The following NMT2 variants were observed in gnomAD, a reference collection of about 807,000 sequenced individuals.
NMT2 encodes glycylpeptide N-tetradecanoyltransferase 2.
NMT2 carries 35 observed loss-of-function variants against 65.4 expected under a neutral mutation model. That is an observed-to-expected ratio of 0.54 (90% CI 0.41 to 0.71). The LOEUF is 0.71. Ranked by LOEUF, NMT2 falls within the 30% of genes least tolerant of loss-of-function variation. The pLI, the probability that NMT2 is intolerant of heterozygous loss-of-function variation, is 0.00. For synonymous variants in NMT2, 226 were observed against 231.8 expected, an observed-to-expected ratio of 0.98 and a Z score of 0.23; for missense variants, 489 against 611.3, an observed-to-expected ratio of 0.80 and a Z score of 2.11.
chr10:15,161,051 G>A (rs1203259794), intron 1 of NMT2, among the ~76,000 whole-genome samples: 1 of 136,936 alleles, frequency 7.3e-6, no homozygotes, highest in African/African-American at 2.8e-5. Context: ...GCCTGGCCTG[G>A]GTGACAGAGC....
chr10:15,162,747 G>GATAT (rs71287332), intron 1 of NMT2, among the ~76,000 whole-genome samples: 8 of 147,108 alleles, frequency 5.4e-5, no homozygotes, highest in African/African-American at 9.9e-5. Flanking sequence ...CTTATTGTTT[G>GATAT]ATATATATAT....
intron 1 of NMT2, 102 bp from the exon 2 acceptor site, chr10:15,141,659 A>C: frequency 1.5e-6 from 2 of 1,373,690 alleles, no homozygotes; most frequent in Non-Finnish European, 2.0e-6. Flanking sequence ...CAGCTGTTAC[A>C]TGCAGTAGAA....
At chr10:15,153,794 T>C (rs1046458561) in intron 1 of NMT2, among the ~76,000 whole-genome samples, 13 of 151,584 alleles carry the variant, frequency 8.6e-5, no homozygotes, top group African/African-American at 1.7e-4. Context: ...GGACTACAGG[T>C]GCCCGCCACC....
chr10:15,150,543 C>A (rs987206919), intron 1 of NMT2, among the ~76,000 whole-genome samples: 1 of 152,124 alleles, frequency 6.6e-6, no homozygotes, highest in Non-Finnish European at 1.5e-5. Flanking sequence ...ACTTAGTGTG[C>A]CCCTTCTCCT....
intron 1 of NMT2, among the ~76,000 whole-genome samples, chr10:15,149,547 C>T (rs796871138): frequency 2.5e-5 from 2 of 79,658 alleles, no homozygotes; most frequent in Admixed American, 1.2e-4. Context: ...ACCACCATCA[C>T]CACCATCATC....
At chr10:15,118,056 T>A (rs984902654) in intron 9 of NMT2, among the ~76,000 whole-genome samples, 2 of 152,122 alleles carry the variant, frequency 1.3e-5, no homozygotes, top group Non-Finnish European at 2.9e-5. Context: ...ATAGGTTAAT[T>A]AAAATGATCT....
At chr10:15,157,628 A>C (rs1263601722) in intron 1 of NMT2, among the ~76,000 whole-genome samples, 1 of 152,208 alleles carries the variant, frequency 6.6e-6, no homozygotes, top group Non-Finnish European at 1.5e-5. Context: ...AAAGAAAAAA[A>C]CTTGTTACTA....
rs938389488 is a variant in NMT2, at chr10:15,108,334, A to G, written c.*861T>C. ...CCCAAGCAGCTGGGACTACAGGCAC[A>G]CGCCACCACGCCCGGCTAATTTTTG... is the stretch of plus-strand genomic sequence containing the variant. On this transcript the variant is annotated 3_prime_UTR_variant, in exon 12 of 12. Coordinates refer to ENST00000378165, the MANE Select transcript of NMT2 (RefSeq NM_004808.3). 19 of 466,790 alleles carry G rather than the reference A, an allele frequency of 4.1e-5. No homozygotes were observed. The highest frequency in any genetic ancestry group is 5.3e-5 in the Non-Finnish European group (19 of 356,574). The allele number at this position is 466,790 out of a possible 1,614,324, so 28.9% of individuals were successfully genotyped here.
chr10:15,164,334 T>C (rs545152776), intron 1 of NMT2, among the ~76,000 whole-genome samples: 1 of 152,268 alleles, frequency 6.6e-6, no homozygotes, highest in East Asian at 1.9e-4. Context: ...CCAGTGAATA[T>C]TGAGGGAAAA....
intron 1 of NMT2, among the ~76,000 whole-genome samples, chr10:15,151,535 G>T (rs1030880373): frequency 4.6e-5 from 7 of 152,324 alleles, no homozygotes; most frequent in Admixed American, 3.9e-4. Flanking sequence ...ACAGTGCAAG[G>T]TCGGAATATA....
chr10:15,151,371 A>G (rs1832797187), intron 1 of NMT2, among the ~76,000 whole-genome samples: 1 of 152,084 alleles, frequency 6.6e-6, no homozygotes, highest in African/African-American at 2.4e-5. Context: ...TCCTCCTTTC[A>G]TAATTATCAA....
rs1441775396 is a variant in NMT2, at chr10:15,155,277, T to TC, written c.110+13225dup. 4 of 1,420,726 alleles carry TC rather than the reference T, an allele frequency of 2.8e-6. No homozygotes were observed. In the East Asian group the frequency reaches 6.9e-5, roughly 24 times the overall value. The allele number at this position is 1,420,726 out of a possible 1,614,324, so 88.0% of individuals were successfully genotyped here. The stretch of plus-strand genomic sequence containing the variant: ...TTCGAAGGAGACGTGCCCCAAGGCC[T>TC]CGCTGTTGATGGCGATGTTGAAGAA... On this transcript the variant is annotated intron_variant, in intron 1 of 11. Coordinates refer to ENST00000378165, the MANE Select transcript of NMT2 (RefSeq NM_004808.3).
At chr10:15,128,088 T>C (rs528207644) in intron 8 of NMT2, among the ~76,000 whole-genome samples, 1 of 152,302 alleles carries the variant, frequency 6.6e-6, no homozygotes, top group East Asian at 1.9e-4. Flanking sequence ...TTTCCCAAAT[T>C]TCAAAACTTA....
At chr10:15,165,939 T>C (rs372722182) in intron 1 of NMT2, among the ~76,000 whole-genome samples, 53 of 151,680 alleles carry the variant, frequency 3.5e-4, no homozygotes, top group African/African-American at 1.2e-3. Flanking sequence ...GAGACTCAAG[T>C]ATTTTATAAT....
At chr10:15,132,666 G>C in intron 6 of NMT2, 151 bp downstream of exon 6, 1 of 514,298 alleles carries the variant, frequency 1.9e-6, no homozygotes, top group Non-Finnish European at 3.5e-6. Flanking sequence ...GAGCTCAGGT[G>C]ATCTATCTGC....
Position 15,168,653 on chromosome 10 carries a change from C to A in NMT2, c.-41G>T. 6.7e-7 allele frequency: 1 copy of A among 1,491,702 alleles called. No individual in the cohort carries two copies. The highest frequency in any genetic ancestry group is 9.0e-7 in the Non-Finnish European group (1 of 1,106,704). The allele number at this position is 1,491,702 out of a possible 1,614,324, so 92.4% of individuals were successfully genotyped here. On this transcript the variant is annotated 5_prime_UTR_variant, in exon 1 of 12. Coordinates refer to ENST00000378165, the MANE Select transcript of NMT2 (RefSeq NM_004808.3). ...TGGGGAGGCGGTGCTCGGGGCCGGG[C>A]CGGAGCGGCCGCAGCTCCCTCTAGT...
At chr10:15,166,472 G>A (rs1489530554) in intron 1 of NMT2, among the ~76,000 whole-genome samples, 1 of 152,136 alleles carries the variant, frequency 6.6e-6, no homozygotes, top group South Asian at 2.1e-4. Flanking sequence ...TTTCTACTGC[G>A]ATATCATCAG....
chr10:15,164,264 C>A (rs2131641234), intron 1 of NMT2, among the ~76,000 whole-genome samples: 1 of 147,202 alleles, frequency 6.8e-6, no homozygotes, highest in East Asian at 2.1e-4. Flanking sequence ...TATCTGCCAA[C>A]AAAAACATAC....
At chr10:15,126,491 TA>T (rs1461924436) in intron 8 of NMT2, among the ~76,000 whole-genome samples, 16 of 151,608 alleles carry the variant, frequency 1.1e-4, no homozygotes, top group Admixed American at 1.0e-3. Context: ...ATCACCTGCA[TA>T]GGGTTCTGAC....
Sources: allele counts gnomAD v4.1 joint callset (sites outside exome capture counted in the v4.1 genomes callset), GRCh38; gene constraint gnomAD v4.1.1; transcripts MANE v1.5; gene names NCBI Gene and HGNC (gene_info 2026-07-23, HGNC 2026-07-21).